SIPA1L3: variants seen among roughly 807,000 people sequenced by gnomAD.
The protein encoded by SIPA1L3 is signal-induced proliferation-associated 1-like protein 3.
A neutral mutation model predicts 150.1 loss-of-function variants in SIPA1L3; 59 were observed. The observed-to-expected ratio is 0.39, with a 90% CI of 0.32 to 0.49. The LOEUF is 0.49. Ranked by LOEUF, SIPA1L3 falls within the 20% of genes least tolerant of loss-of-function variation. The pLI is 0.86. For synonymous variants in SIPA1L3, 1,070 were observed against 1,077.6 expected (o/e 0.99, Z 0.14); for missense variants, 2,211 against 2,489.5 (o/e 0.89, Z 2.38).
Position 38,189,590 on chromosome 19 carries a change from A to G in SIPA1L3, c.4431-2555A>G, listed in dbSNP as rs1416765611. On this transcript the variant is annotated intron_variant, in intron 16 of 21. Coordinates refer to ENST00000222345, the MANE Select transcript of SIPA1L3 (RefSeq NM_015073.3). The stretch of plus-strand genomic sequence containing the variant: ...AGACCAGCCTGGCCAACGTGGTGAA[A>G]CCCTGTCTCTACTAAAAATACAAAA... Among the ~76,000 whole-genome samples the G allele has an allele frequency of 7.2e-5, 11 of 152,116 alleles. No individual in the cohort carries two copies. The East Asian group carries it at 1.9e-3, about 27-fold the overall frequency.
chr19:38,122,659 T>A (rs1160025374), intron 9 of SIPA1L3, among the ~76,000 whole-genome samples: 1 of 152,148 alleles, frequency 6.6e-6, no homozygotes, highest in Admixed American at 6.5e-5. Context: ...TGAGGCCGGG[T>A]GTGAACTGGC....
At chr19:38,069,832 T>A (rs1439201997) in intron 2 of SIPA1L3, among the ~76,000 whole-genome samples, 2 of 78,750 alleles carry the variant, frequency 2.5e-5, no homozygotes, top group African/African-American at 1.0e-4. Context: ...ACCTGGTTAA[T>A]TTTTTTTTTT....
In SIPA1L3 at chr19:38,208,214, G is replaced by A. The variant is rs1250166311; in HGVS notation, c.*1974G>A. On this transcript the variant is annotated 3_prime_UTR_variant, in exon 22 of 22. Transcript: ENST00000222345. ...GAGGTTGATGTTCTATCCAATGGCC[G>A]AAGATAGCAGCAGGTTTTTTTTTTC... 1 of 151,858 alleles carries A rather than the reference G, an allele frequency of 6.6e-6. No individual in the cohort carries two copies. Among genetic ancestry groups the A allele is most frequent in the Non-Finnish European group, 1.5e-5 (1 of 67,920 alleles). The allele number at this position is 151,858 out of a possible 1,614,324, so 9.4% of individuals were successfully genotyped here.
Position 38,057,323 on chromosome 19 carries a change from TAC to T in SIPA1L3, c.-310-23918_-310-23917del, listed in dbSNP as rs764029498. Among the ~76,000 whole-genome samples, 389 of 149,664 alleles carry T rather than the reference TAC, an allele frequency of 2.6e-3. 5 individuals are homozygous for T. The highest frequency in any genetic ancestry group is 8.3e-3 in the African/African-American group (341 of 40,858). On this transcript the variant is annotated intron_variant, in intron 2 of 21. Transcript: ENST00000222345. ...ATGTGTATATATGTGTATACATATA[TAC>T]ACACACACACACACGTATATATATA...
intron 10 of SIPA1L3, among the ~76,000 whole-genome samples, chr19:38,131,014 G>A (rs976084874): frequency 6.6e-6 from 1 of 152,238 alleles, no homozygotes; most frequent in Non-Finnish European, 1.5e-5. Context: ...CAGTTGCCCT[G>A]TGAGGGGAGA....
chr19:38,042,946 C>CA lies in SIPA1L3; in HGVS notation c.-311+13793dup, dbSNP rs1273576847. ...CCCCTTCTACCTCTATGACCATGGC[C>CA]AAAGCACTTACCTTCCTGTGCCTCA... On this transcript the variant is annotated intron_variant, in intron 2 of 21. Coordinates refer to ENST00000222345, the MANE Select transcript of SIPA1L3 (RefSeq NM_015073.3). 7.9e-5 allele frequency among the ~76,000 whole-genome samples: 12 copies of CA among 152,270 alleles called. No homozygotes were observed. The East Asian group carries it at 2.3e-3, about 29-fold the overall frequency.
intron 18 of SIPA1L3, among the ~76,000 whole-genome samples, chr19:38,197,358 C>T (rs972842658): frequency 2.6e-5 from 4 of 152,150 alleles, no homozygotes; most frequent in Non-Finnish European, 4.4e-5. Context: ...AGCCTGGTGC[C>T]TGGGACTCTC....
chr19:38,021,544 CT>C (rs34706897), intron 1 of SIPA1L3, among the ~76,000 whole-genome samples: 332 of 143,234 alleles, frequency 2.3e-3, no homozygotes, highest in Middle Eastern at 7.1e-3. Context: ...GAGTCTGATC[CT>C]TTTTTTTTTT....
At chr19:37,996,445 G>C (rs1042507859) in intron 1 of SIPA1L3, among the ~76,000 whole-genome samples, 1 of 152,006 alleles carries the variant, frequency 6.6e-6, no homozygotes, top group Non-Finnish European at 1.5e-5. Flanking sequence ...ATGCTGTTTT[G>C]GTATGTGTGT....
At chr19:38,083,853 C>T (rs1284883791) in intron 3 of SIPA1L3, among the ~76,000 whole-genome samples, 1 of 151,980 alleles carries the variant, frequency 6.6e-6, no homozygotes, top group African/African-American at 2.4e-5. Flanking sequence ...ATTAGCCAGG[C>T]ATGGTGACAT....
chr19:37,918,498 TC>T (rs1271924000), intron 1 of SIPA1L3, among the ~76,000 whole-genome samples: 2 of 151,884 alleles, frequency 1.3e-5, no homozygotes, highest in African/African-American at 4.8e-5. Flanking sequence ...GACCTTGTGA[TC>T]CGCCTGCCTC....
At chr19:38,008,321 G>A (rs1010989358) in intron 1 of SIPA1L3, among the ~76,000 whole-genome samples, 9 of 134,642 alleles carry the variant, frequency 6.7e-5, no homozygotes, top group South Asian at 2.6e-4. Context: ...TCTGCCTCCC[G>A]GGTTCAAGCA....
chr19:38,005,739 C>T (rs923664054), intron 1 of SIPA1L3, among the ~76,000 whole-genome samples: 3 of 152,152 alleles, frequency 2.0e-5, no homozygotes, highest in African/African-American at 4.8e-5. Flanking sequence ...ATAATAGTGA[C>T]ATAAGGAGAA....
chr19:38,022,761 G>T (rs1298383715), intron 1 of SIPA1L3, among the ~76,000 whole-genome samples: 2 of 152,162 alleles, frequency 1.3e-5, no homozygotes, highest in South Asian at 2.1e-4. Context: ...AGAAAACAGT[G>T]CCTGGCATGT....
rs546236529 is a variant in SIPA1L3, at chr19:38,124,199, C to G, written c.2868+4317C>G. Among the ~76,000 whole-genome samples the G allele has an allele frequency of 9.9e-5, 15 of 151,548 alleles. No homozygotes were observed. In the South Asian group the frequency reaches 2.9e-3, roughly 30 times the overall value. On this transcript the variant is annotated intron_variant, in intron 9 of 21. Transcript: ENST00000222345. ...TGCTGGGCGGAGGGTCTCCTCACTT[C>G]TCAGACGGGGCAGCTGCCGGGCGGA...
intron 2 of SIPA1L3, among the ~76,000 whole-genome samples, chr19:38,064,143 G>A (rs550002407): frequency 2.5e-4 from 38 of 152,362 alleles, no homozygotes; most frequent in Non-Finnish European, 5.1e-4. Context: ...AGAGCGAATA[G>A]GACTGTGCCC....
chr19:37,979,728 T>C (rs1967155789), intron 1 of SIPA1L3, among the ~76,000 whole-genome samples: 1 of 152,206 alleles, frequency 6.6e-6, no homozygotes, highest in Non-Finnish European at 1.5e-5. Context: ...ATTTGCTCTT[T>C]GGCCCTTTAC....
At chr19:38,162,008 C>G (rs1972099987) in intron 13 of SIPA1L3, among the ~76,000 whole-genome samples, 1 of 152,184 alleles carries the variant, frequency 6.6e-6, no homozygotes, top group African/African-American at 2.4e-5. Flanking sequence ...TTCCATTGCA[C>G]TTTAGCCTGG....
intron 1 of SIPA1L3, among the ~76,000 whole-genome samples, chr19:37,976,760 A>G (rs1967086959): frequency 6.6e-6 from 1 of 151,970 alleles, no homozygotes; most frequent in Admixed American, 6.6e-5. Flanking sequence ...CGTGTTTAGA[A>G]CAGTGTGTAG....
Sources: allele counts gnomAD v4.1 joint callset (sites outside exome capture counted in the v4.1 genomes callset), GRCh38; gene constraint gnomAD v4.1.1; transcripts MANE v1.5; gene names NCBI Gene and HGNC (gene_info 2026-07-23, HGNC 2026-07-21).